PTPRD: variants seen among roughly 807,000 people sequenced by gnomAD.
PTPRD encodes the protein protein tyrosine phosphatase receptor type D, also known as receptor-type tyrosine-protein phosphatase delta.
A neutral mutation model predicts 214.5 loss-of-function variants in PTPRD; 34 were observed. The observed-to-expected ratio is 0.16, with a 90% CI of 0.12 to 0.21. The LOEUF (loss-of-function observed/expected upper bound fraction) is 0.21. Among genes scored for constraint, PTPRD ranks in the 10% least tolerant of loss-of-function variants. The probability of loss-of-function intolerance (pLI) is 1.00; values close to 1 mark genes in which losing one functional copy is unlikely to be tolerated. For synonymous variants in PTPRD, 1,128 were observed against 845.7 expected (o/e 1.33, Z -5.79); for missense variants, 2,545 against 2,398.7 (o/e 1.06, Z -1.27).
intron 9 of PTPRD, among the ~76,000 whole-genome samples, chr9:9,276,559 C>G (rs10117295): frequency 0.32 from 47,710 of 151,080 alleles, 7,880 homozygotes; most frequent in East Asian, 0.44. Context: ...TCCTCAGTCA[C>G]TGGCATGCCA....
At position 8,500,740 on chromosome 9, in the gene PTPRD, C is replaced by A. The variant is rs199887748; in HGVS notation, c.2128+14G>T. ...GTCAGAAGGGTGCAAACTGACGTAG[C>A]GGAGGCAACATACCATCTTCATTGG... On this transcript the variant is annotated intron_variant, in intron 24 of 45. Transcript: ENST00000381196. The A allele has an allele frequency of 6.2e-7, 1 of 1,612,516 alleles. No individual in the cohort carries two copies.
chr9:8,927,758 T>C (rs1207833243), intron 11 of PTPRD, among the ~76,000 whole-genome samples: 1 of 152,164 alleles, frequency 6.6e-6, no homozygotes, highest in Non-Finnish European at 1.5e-5. Context: ...GTATTTCTGT[T>C]TCTAGATCCT....
intron 3 of PTPRD, among the ~76,000 whole-genome samples, chr9:10,106,378 T>C (rs1365651765): frequency 2.0e-5 from 3 of 151,966 alleles, no homozygotes; most frequent in Non-Finnish European, 4.4e-5. Context: ...CTGAGGTTTA[T>C]AGTGTACCTA....
chr9:9,007,846 T>C (rs1179904740), intron 11 of PTPRD, among the ~76,000 whole-genome samples: 1 of 147,996 alleles, frequency 6.8e-6, no homozygotes, highest in African/African-American at 2.5e-5. Context: ...TTGTCTGTTA[T>C]ACTTAAAGCT....
intron 14 of PTPRD, among the ~76,000 whole-genome samples, chr9:8,616,876 T>C (rs1254708996): frequency 1.3e-5 from 2 of 152,134 alleles, no homozygotes; most frequent in Non-Finnish European, 2.9e-5. Context: ...ATGCCCTCCA[T>C]GAGAGGCTAA....
chr9:10,499,489 T>C (rs780932179), intron 2 of PTPRD, among the ~76,000 whole-genome samples: 2 of 151,962 alleles, frequency 1.3e-5, no homozygotes, highest in Admixed American at 6.6e-5. Flanking sequence ...CTGAAAAATG[T>C]CTACATTATT....
At chr9:10,566,680 AG>A (rs2065730316) in intron 2 of PTPRD, among the ~76,000 whole-genome samples, 1 of 151,938 alleles carries the variant, frequency 6.6e-6, no homozygotes, top group Non-Finnish European at 1.5e-5. Context: ...AGAAGTTCTT[AG>A]TTTTAATGCA....
intron 7 of PTPRD, among the ~76,000 whole-genome samples, chr9:9,722,886 T>C (rs976685634): frequency 2.0e-5 from 3 of 152,092 alleles, no homozygotes; most frequent in Admixed American, 1.3e-4. Context: ...ATTTTTTAAA[T>C]TGGGTTGTCT....
intron 4 of PTPRD, among the ~76,000 whole-genome samples, chr9:9,959,304 T>C (rs1480140286): frequency 2.6e-5 from 4 of 152,086 alleles, no homozygotes; most frequent in Admixed American, 1.3e-4. Flanking sequence ...CTTGTAGAAA[T>C]AGTAAAATGA....
intron 10 of PTPRD, among the ~76,000 whole-genome samples, chr9:9,093,296 GAC>G (rs1162696180): frequency 5.9e-5 from 9 of 152,096 alleles, no homozygotes; most frequent in Non-Finnish European, 1.2e-4. Context: ...AATCAGTAAT[GAC>G]ACAGGAAATA....
intron 11 of PTPRD, among the ~76,000 whole-genome samples, chr9:9,003,458 T>C (rs538604490): frequency 1.3e-5 from 2 of 152,172 alleles, no homozygotes; most frequent in East Asian, 3.9e-4. Flanking sequence ...TCCTTTAGTA[T>C]AGACACATTT....
intron 10 of PTPRD, among the ~76,000 whole-genome samples, chr9:9,098,743 C>T (rs1044740579): frequency 1.3e-5 from 2 of 152,140 alleles, no homozygotes; most frequent in Non-Finnish European, 2.9e-5. Context: ...ATGGATACAA[C>T]ATTTTGGGGA....
At chr9:9,727,233 A>C (rs2098111832) in intron 7 of PTPRD, among the ~76,000 whole-genome samples, 1 of 152,082 alleles carries the variant, frequency 6.6e-6, no homozygotes, top group Non-Finnish European at 1.5e-5. Context: ...AGGCAGGTGA[A>C]TTGTCCAGGA....
At chr9:10,106,569 T>G (rs906223419) in intron 3 of PTPRD, among the ~76,000 whole-genome samples, 2 of 151,900 alleles carry the variant, frequency 1.3e-5, no homozygotes, top group South Asian at 2.1e-4. Flanking sequence ...AAAGTGGATT[T>G]ATCTCAGCCT....
At chr9:9,777,965 C>T (rs571534940) in intron 5 of PTPRD, among the ~76,000 whole-genome samples, 1 of 152,132 alleles carries the variant, frequency 6.6e-6, no homozygotes, top group African/African-American at 2.4e-5. Context: ...AAAGCATGGA[C>T]AAAGAGGATA....
rs75057188 is a variant in PTPRD, at chr9:9,925,596, T to C, written c.-368+12911A>G. 2.5e-3 allele frequency among the ~76,000 whole-genome samples: 383 copies of C among 152,036 alleles called. 3 individuals carry two copies. The highest frequency in any genetic ancestry group is 8.6e-3 in the African/African-American group (357 of 41,516). ...AGTGGTCTTTTTTCAGTACTTCTCA[T>C]TTTTTTCAGCATTCAGATGACAAAA... On this transcript the variant is annotated intron_variant, in intron 5 of 45. Transcript: ENST00000381196.
At chr9:10,441,028 T>C (rs987514876) in intron 2 of PTPRD, among the ~76,000 whole-genome samples, 2 of 151,750 alleles carry the variant, frequency 1.3e-5, no homozygotes, top group Non-Finnish European at 2.9e-5. Context: ...AGTGAAAATA[T>C]CCACATGTTC....
intron 39 of PTPRD, among the ~76,000 whole-genome samples, chr9:8,375,422 A>T (rs2082929934): frequency 6.6e-6 from 1 of 152,054 alleles, no homozygotes; most frequent in Non-Finnish European, 1.5e-5. Context: ...TACATTTTTA[A>T]AAATCAAATT....
intron 34 of PTPRD, chr9:8,437,123 A>G (rs1017292468): frequency 9.8e-6 from 10 of 1,019,308 alleles, no homozygotes; most frequent in Non-Finnish European, 1.4e-5. Flanking sequence ...AGACACTGAG[A>G]AAGGCCTAAA....
Sources: allele counts gnomAD v4.1 joint callset (sites outside exome capture counted in the v4.1 genomes callset), GRCh38; gene constraint gnomAD v4.1.1; transcripts MANE v1.5; gene names NCBI Gene and HGNC (gene_info 2026-07-23, HGNC 2026-07-21).